Variants in EEF2KMT observed in about 807,000 individuals in gnomAD.
EEF2KMT encodes the protein protein-lysine N-methyltransferase EEF2KMT.
A neutral mutation model predicts 35.1 loss-of-function variants in EEF2KMT; 30 were observed. The ratio of observed to expected loss-of-function variants is 0.85; its 90% CI spans 0.64 to 1.16. The LOEUF (loss-of-function observed/expected upper bound fraction) is 1.16. Ranked by LOEUF, EEF2KMT falls within the 50% of genes most tolerant of loss-of-function variation. EEF2KMT has a pLI of 0.00. For missense variants in EEF2KMT, 499 were observed against 438.2 expected (o/e 1.14, Z -1.24); for synonymous variants, 190 against 187.7 (o/e 1.01, Z -0.10).
intron 6 of EEF2KMT, 121 bp downstream of exon 6, chr16:5,089,963 C>G: frequency 2.0e-6 from 3 of 1,491,544 alleles, no homozygotes; most frequent in Non-Finnish European, 1.8e-6. Flanking sequence ...CAGAGTAACT[C>G]TTCTGGAAGC....
chr16:5,094,631 G>A (rs1957414413), intron 2 of EEF2KMT, among the ~76,000 whole-genome samples: 1 of 152,168 alleles, frequency 6.6e-6, no homozygotes, highest in Non-Finnish European at 1.5e-5. Context: ...GAGGCTCAGG[G>A]TGAAACTCAG....
rs752479704 is a variant in EEF2KMT, at chr16:5,090,420, C to T, written c.476+12G>A. 2.5e-6 allele frequency: 4 copies of T among 1,611,888 alleles called. No individual in the cohort carries two copies. The highest frequency in any genetic ancestry group is 3.3e-5 in the Admixed American group (2 of 59,998). On this transcript the variant is annotated intron_variant, in intron 5 of 7. Coordinates refer to ENST00000427587, the MANE Select transcript of EEF2KMT (RefSeq NM_201400.4). This position sits in a 1 kb window ranked among gnomAD's most constrained non-coding sequence, Gnocchi z 4.1. Reference sequence around the variant, plus strand: ...GCCTGCCTCGGTGCCCTGCCCTGCGCCCCGAGGTCACCTGTTAGTGAAGAC... The same window carrying T: ...GCCTGCCTCGGTGCCCTGCCCTGCGTCCCGAGGTCACCTGTTAGTGAAGAC...
chr16:5,091,212 G>A (rs578038794), intron 4 of EEF2KMT, among the ~76,000 whole-genome samples: 1 of 152,164 alleles, frequency 6.6e-6, no homozygotes, highest in Non-Finnish European at 1.5e-5. Context: ...CTCCCTAGTA[G>A]CTGGGATTAC....
At chr16:5,092,058 G>A (rs916365850) in intron 3 of EEF2KMT, 163 bp from the exon 4 acceptor site, 216 of 1,345,974 alleles carry the variant, frequency 1.6e-4, no homozygotes, top group African/African-American at 1.6e-4. Flanking sequence ...GGTGTGTGCC[G>A]AATAGTCCCA....
chr16:5,089,060 G>A, intron 7 of EEF2KMT, 47 bp downstream of exon 7: 1 of 1,610,358 alleles, frequency 6.2e-7, no homozygotes, highest in Non-Finnish European at 8.5e-7. Flanking sequence ...GCGTCCTGCA[G>A]GGACAGCTCA....
Position 5,090,220 on chromosome 16 carries a change from A to G in EEF2KMT, c.606T>C (p.Leu202=), listed in dbSNP as rs752011793. 1.2e-6 allele frequency: 2 copies of G among 1,611,966 alleles called. No homozygotes were observed. Among genetic ancestry groups the G allele is most frequent in the South Asian group, 2.2e-5 (2 of 90,990 alleles). Residue 202 remains leucine, a synonymous_variant, in exon 6 of 8, where the codon CTT becomes CTC. Transcript: ENST00000427587. The surrounding 1 kb of genome is among the most constrained non-coding windows in gnomAD (Gnocchi z 4.1). The part of the protein sequence containing the change: ...RVLEQLRGNV[L]LNGLSLEADI... ...CTGCCTCTAATGAGAGGCCATTGAGAAGGACATTCCCTCGGAGCTGCTCAA... is the reference window on the plus strand; with the variant it reads ...CTGCCTCTAATGAGAGGCCATTGAGGAGGACATTCCCTCGGAGCTGCTCAA...
Position 5,090,399 on chromosome 16 carries a change from G to T in EEF2KMT, c.476+33C>A, listed in dbSNP as rs760999927. The T allele has an allele frequency of 6.2e-6, 10 of 1,612,032 alleles. No homozygotes were observed. The South Asian group carries it at 9.9e-5, about 16-fold the overall frequency. ...TCTGCGACTGCACCAGGGTAAGCCT[G>T]CCTCGGTGCCCTGCCCTGCGCCCCG... On this transcript the variant is annotated intron_variant, in intron 5 of 7. Transcript: ENST00000427587. The surrounding 1 kb of genome is among the most constrained non-coding windows in gnomAD (Gnocchi z 4.1).
intron 4 of EEF2KMT, among the ~76,000 whole-genome samples, chr16:5,091,281 C>T (rs1957335366): frequency 6.6e-6 from 1 of 152,166 alleles, no homozygotes; most frequent in Non-Finnish European, 1.5e-5. Context: ...GGAGTTTCAC[C>T]ATGTTGGCCA....
At position 5,093,065 on chromosome 16, in the gene EEF2KMT, C is replaced by T. The variant is rs117710577; in HGVS notation, c.240+419G>A. 3.0e-3 allele frequency among the ~76,000 whole-genome samples: 462 copies of T among 152,330 alleles called. 6 individuals carry two copies. The East Asian group carries it at 0.033, about 11-fold the overall frequency. Reference sequence around the variant, plus strand: ...GAGAATTCACCAGAGGAACTAGTTCCGAAGGTATGGCAAGAGCTAAATCTT... The same window carrying T: ...GAGAATTCACCAGAGGAACTAGTTCTGAAGGTATGGCAAGAGCTAAATCTT... On this transcript the variant is annotated intron_variant, in intron 3 of 7. Transcript: ENST00000427587.
chr16:5,093,810 A>C (rs1404659852), intron 2 of EEF2KMT, among the ~76,000 whole-genome samples: 2 of 152,232 alleles, frequency 1.3e-5, no homozygotes, highest in Non-Finnish European at 2.9e-5. Context: ...GAGCAGGAAC[A>C]CAGGGCATGT....
At chr16:5,088,258 T>G (rs36073823) in intron 7 of EEF2KMT, among the ~76,000 whole-genome samples, 12,149 of 114,630 alleles carry the variant, frequency 0.11, 525 homozygotes, top group Middle Eastern at 0.18. Context: ...TGTGCGAGGT[T>G]GTGGGGGGAC....
intron 7 of EEF2KMT, among the ~76,000 whole-genome samples, chr16:5,087,791 ACT>A (rs1270052905): frequency 4.7e-5 from 5 of 106,272 alleles, no homozygotes; most frequent in African/African-American, 1.5e-4. Context: ...ACAAAGCCAG[ACT>A]CTGTCTCAAA....
Position 5,084,456 on chromosome 16 carries a change from G to A in EEF2KMT, c.*1176C>T, listed in dbSNP as rs112215943. 516 of 563,560 alleles carry A rather than the reference G, an allele frequency of 9.2e-4. 3 individuals carry two copies. Among genetic ancestry groups the A allele is most frequent in the African/African-American group, 7.9e-3 (421 of 53,204 alleles). The allele number at this position is 563,560 out of a possible 1,614,324, so 34.9% of individuals were successfully genotyped here. ...CCCACAGATGGGTGAGACTGCGTTG[G>A]CCAGAGGCCGAGAGGAGGGTGCTCA... On this transcript the variant is annotated 3_prime_UTR_variant, in exon 8 of 8. Transcript: ENST00000427587.
chr16:5,097,268 G>C (rs747367908), intron 1 of EEF2KMT: 1 of 1,317,144 alleles, frequency 7.6e-7, no homozygotes, highest in South Asian at 1.2e-5. Context: ...GCGCTCAGGA[G>C]GACGTGGTTA....
rs542077714 is a variant in EEF2KMT at position 5,090,552 on chromosome 16, G to C, written c.356C>G (p.Ser119Trp). The C allele has an allele frequency of 1.9e-6, 3 of 1,611,962 alleles. No homozygotes were observed. In the East Asian group the frequency reaches 6.7e-5, roughly 36 times the overall value. ...GGCCGTGCTCTCGGAGAGTGTGACCGAGCCTCCCGAGGGCTGCACCAAGAG... is the reference window on the plus strand; with the variant it reads ...GGCCGTGCTCTCGGAGAGTGTGACCCAGCCTCCCGAGGGCTGCACCAAGAG... ...HRSYLLPSGG[S>W]VTLSESTAII... is the part of the protein sequence containing the mutation. The change falls in exon 5 of 8, where the codon TCG becomes TGG. Residue 119 changes from serine to tryptophan, a missense_variant. By Grantham distance (177) the Ser-to-Trp change is radical. Transcript: ENST00000427587. The surrounding 1 kb of genome is among the most constrained non-coding windows in gnomAD (Gnocchi z 4.1).
At chr16:5,087,326 A>G (rs979651073) in intron 7 of EEF2KMT, 1 of 152,204 alleles carries the variant, frequency 6.6e-6, no homozygotes, top group Non-Finnish European at 1.5e-5. Flanking sequence ...GTTTTCCCCT[A>G]TAGGTATACT....
chr16:5,089,039 C>G lies in EEF2KMT; in HGVS notation c.892+68G>C, dbSNP rs549353744. 3.7e-6 allele frequency: 6 copies of G among 1,607,110 alleles called. No individual in the cohort carries two copies. In the African/African-American group the frequency reaches 5.3e-5, roughly 14 times the overall value. On this transcript the variant is annotated intron_variant, in intron 7 of 7. Transcript: ENST00000427587. ...GCTTTTCCCCGGCACCCAGTTCTTT[C>G]ACTTCCACTGGCGTCCTGCAGGGAC...
intron 7 of EEF2KMT, chr16:5,087,408 A>C (rs1036234080): frequency 2.0e-5 from 3 of 152,240 alleles, no homozygotes; most frequent in African/African-American, 7.2e-5. Flanking sequence ...AGGTGGCCAC[A>C]AACTCCTGGG....
chr16:5,093,484 C>T lies in EEF2KMT; in HGVS notation c.240G>A (p.Lys80=), dbSNP rs764332633. 2.6e-5 allele frequency: 42 copies of T among 1,611,910 alleles called. No homozygotes were observed. The highest frequency in any genetic ancestry group is 3.1e-5 in the Non-Finnish European group (36 of 1,179,866). ...ARCFLSELIK[K]HEAVHTEPLD... ...TGGGCGGACACTGCCCATAACTGACCTTTTTGATGAGTTCTGAGAGAAAGC... is the reference window on the plus strand; with the variant it reads ...TGGGCGGACACTGCCCATAACTGACTTTTTTGATGAGTTCTGAGAGAAAGC... The change falls in exon 3 of 8, where the codon AAG becomes AAA. Residue 80 remains lysine (K), a splice_region_variant and synonymous_variant. Transcript: ENST00000427587.
Sources: gnomAD v4.1 joint callset for allele counts (sites outside exome capture counted in the v4.1 genomes callset) on GRCh38, gnomAD v4.1.1 for gene constraint, Gnocchi (gnomAD v3.1) non-coding constraint, MANE v1.5 for transcripts, NCBI Gene and HGNC (gene_info 2026-07-23, HGNC 2026-07-21) for gene names.